SANBR: variants seen among roughly 807,000 people sequenced by gnomAD.
SANBR encodes the protein SANT and BTB domain regulator of CSR.
SANBR carries 77 observed loss-of-function variants against 101.8 expected under a neutral mutation model. The ratio of observed to expected loss-of-function variants is 0.76; its 90% CI spans 0.63 to 0.91. The LOEUF (loss-of-function observed/expected upper bound fraction) is 0.91, where lower values mean the gene tolerates loss of function less well. Ranked by LOEUF, SANBR falls within the 40% of genes least tolerant of loss-of-function variation. The pLI is 0.00. For missense variants in SANBR, 875 were observed against 853.0 expected (o/e 1.03, Z -0.32); for synonymous variants, 279 against 274.7 (o/e 1.02, Z -0.15).
At chr2:61,088,316 A>G (rs750991562) in intron 9 of SANBR, 42 bp from the exon 10 acceptor site, 1 of 1,571,414 alleles carries the variant, frequency 6.4e-7, no homozygotes, top group Non-Finnish European at 8.6e-7. Flanking sequence ...CTACATTTAC[A>G]TTCTTCTTCC....
intron 10 of SANBR, chr2:61,090,685 T>A (rs1682699159): frequency 6.6e-6 from 1 of 152,374 alleles, no homozygotes; most frequent in Non-Finnish European, 1.4e-5. Context: ...CCTGGCAACC[T>A]GGCAATTGTG....
At chr2:61,070,622 T>C in intron 3 of SANBR, 122 bp downstream of exon 3, 1 of 674,850 alleles carries the variant, frequency 1.5e-6, no homozygotes, top group Non-Finnish European at 2.4e-6. Flanking sequence ...GTATTAACAC[T>C]GAATAGACAT....
At chr2:61,102,833 G>A (rs958453751) in intron 12 of SANBR, among the ~76,000 whole-genome samples, 31 of 151,856 alleles carry the variant, frequency 2.0e-4, no homozygotes, top group Middle Eastern at 3.4e-3. Context: ...CCACCACGCC[G>A]AGCCAGAATG....
intron 11 of SANBR, among the ~76,000 whole-genome samples, chr2:61,094,990 G>A (rs1450588644): frequency 2.0e-5 from 3 of 152,238 alleles, no homozygotes; most frequent in South Asian, 2.1e-4. Flanking sequence ...GGTTTGTGTG[G>A]TAGTTTAACA....
At chr2:61,105,187 C>G (rs940324300) in intron 13 of SANBR, among the ~76,000 whole-genome samples, 14 of 150,938 alleles carry the variant, frequency 9.3e-5, no homozygotes, top group African/African-American at 3.4e-4. Flanking sequence ...TTGAGACCAG[C>G]CTGGCCAACA....
At position 61,100,659 on chromosome 2, in the gene SANBR, T is replaced by G. The variant is rs147815925; in HGVS notation, c.1365+2807T>G. Among the ~76,000 whole-genome samples the G allele has an allele frequency of 3.5e-3, 539 of 152,336 alleles. 2 individuals carry two copies. Among genetic ancestry groups the G allele is most frequent in the African/African-American group, 0.012 (517 of 41,574 alleles). The stretch of plus-strand genomic sequence containing the variant: ...CTTAATTCCAATCCAATGCTTTTTC[T>G]GTTCTCTAAAAAGTAGATTAAGCCA... On this transcript the variant is annotated intron_variant, in intron 12 of 21. Transcript: ENST00000402291.
At chr2:61,101,958 G>T (rs1312892413) in intron 12 of SANBR, among the ~76,000 whole-genome samples, 3 of 151,438 alleles carry the variant, frequency 2.0e-5, no homozygotes, top group Non-Finnish European at 4.4e-5. Flanking sequence ...CTTGAATCCA[G>T]GAGGCGGAGG....
chr2:61,090,158 A>G (rs1286672802), intron 10 of SANBR, among the ~76,000 whole-genome samples: 2 of 152,208 alleles, frequency 1.3e-5, no homozygotes, highest in Admixed American at 6.5e-5. Flanking sequence ...ATGAAAAAGT[A>G]CATAGATACA....
At chr2:61,104,559 A>C (rs1683461070) in intron 13 of SANBR, among the ~76,000 whole-genome samples, 1 of 152,078 alleles carries the variant, frequency 6.6e-6, no homozygotes, top group Non-Finnish European at 1.5e-5. Context: ...GTGATGAATG[A>C]GGGTTCCCAA....
At chr2:61,104,679 G>T (rs1683467459) in intron 13 of SANBR, among the ~76,000 whole-genome samples, 1 of 152,116 alleles carries the variant, frequency 6.6e-6, no homozygotes, top group African/African-American at 2.4e-5. Context: ...CTCTCCATGA[G>T]TATGAACTTC....
chr2:61,076,577 G>A (rs1396896718), intron 5 of SANBR, among the ~76,000 whole-genome samples: 4 of 149,024 alleles, frequency 2.7e-5, no homozygotes, highest in African/African-American at 4.9e-5. Flanking sequence ...ACAGTGAGCC[G>A]AGATCACGTC....
chr2:61,120,478 C>T (rs1324510950), intron 20 of SANBR, among the ~76,000 whole-genome samples: 1 of 152,114 alleles, frequency 6.6e-6, no homozygotes, highest in Non-Finnish European at 1.5e-5. Context: ...CTAGCCTGGG[C>T]AACACAGAGC....
chr2:61,128,649 T>G (rs1262761940), downstream of SANBR, among the ~76,000 whole-genome samples: 1 of 151,930 alleles, frequency 6.6e-6, no homozygotes. Flanking sequence ...CCTGCCACTA[T>G]GCCCAGCTAA....
chr2:61,128,698 T>C (rs1185928913), downstream of SANBR, among the ~76,000 whole-genome samples: 2 of 152,144 alleles, frequency 1.3e-5, no homozygotes, highest in Non-Finnish European at 2.9e-5. Context: ...TTCGCCATGT[T>C]GGTCAGGCTC....
exon 21 of SANBR, chr2:61,134,142 C>G (rs778372853): frequency 5.6e-6 from 9 of 1,614,080 alleles, no homozygotes; most frequent in Non-Finnish European, 7.6e-6. Context: ...TACAGACAGA[C>G]AAACTGAGAC....
At chr2:61,098,492 C>A (rs1457623532) in intron 12 of SANBR, among the ~76,000 whole-genome samples, 2 of 152,146 alleles carry the variant, frequency 1.3e-5, no homozygotes, top group Non-Finnish European at 1.5e-5. Flanking sequence ...ACTAGGGTAT[C>A]TTTCTGTGCC....
At chr2:61,088,581 G>A (rs897574460) in intron 10 of SANBR, 113 bp downstream of exon 10, 19 of 672,616 alleles carry the variant, frequency 2.8e-5, no homozygotes, top group Non-Finnish European at 4.1e-5. Flanking sequence ...GTGCAGTGGT[G>A]TGGTCTTGGC....
intron 12 of SANBR, among the ~76,000 whole-genome samples, chr2:61,103,618 G>A (rs1355244724): frequency 6.6e-6 from 1 of 152,186 alleles, no homozygotes; most frequent in Non-Finnish European, 1.5e-5. Context: ...CTCCTGGAGT[G>A]CTCGTAATGT....
intron 8 of SANBR, among the ~76,000 whole-genome samples, chr2:61,084,145 G>A (rs1369242416): frequency 6.6e-6 from 1 of 152,032 alleles, no homozygotes; most frequent in Non-Finnish European, 1.5e-5. Flanking sequence ...GTAGAGATGG[G>A]GGTTTGCTGC....
Sources: allele counts gnomAD v4.1 joint callset (sites outside exome capture counted in the v4.1 genomes callset), GRCh38; gene constraint gnomAD v4.1.1; transcripts MANE v1.5; gene names NCBI Gene and HGNC (gene_info 2026-07-23, HGNC 2026-07-21).